The following RANBP2 variants were observed in gnomAD, a reference collection of about 807,000 sequenced individuals.
RANBP2 encodes RAN binding protein 2.
A neutral mutation model predicts 303.6 loss-of-function variants in RANBP2; 57 were observed. That is an observed-to-expected ratio of 0.19 (90% confidence interval 0.15 to 0.23). The LOEUF is 0.23. Among genes scored for constraint, RANBP2 ranks in the 10% least tolerant of loss-of-function variants. RANBP2 has a pLI of 1.00. For missense variants in RANBP2, 3,138 were observed against 3,780.8 expected (o/e 0.83, Z 4.46); for synonymous variants, 1,167 against 1,301.5 (o/e 0.90, Z 2.23).
At chr2:109,564,067 G>A in the RANBP2 span, 1 of 291,820 alleles carries the variant, frequency 3.4e-6, no homozygotes, top group East Asian at 5.8e-5. Context: ...ATCAAATAAT[G>A]AGGGTATTTT....
chr2:108,897,222 G>T, the RANBP2 span: 2 of 1,613,630 alleles, frequency 1.2e-6, no homozygotes, highest in Non-Finnish European at 1.7e-6. Context: ...GCTCCGTGGG[G>T]CTAAGACCTA....
the RANBP2 span, among the ~76,000 whole-genome samples, chr2:109,466,500 T>A: frequency 6.6e-6 from 1 of 152,234 alleles, no homozygotes; most frequent in Non-Finnish European, 1.5e-5. Context: ...CAGTGGTCTT[T>A]TGCAAATATT....
chr2:109,427,408 T>C, the RANBP2 span, among the ~76,000 whole-genome samples: 1 of 152,190 alleles, frequency 6.6e-6, no homozygotes, highest in African/African-American at 2.4e-5. Flanking sequence ...TTTATTGCAA[T>C]ATTTGCTCTA....
At chr2:109,387,898 C>T in the RANBP2 span, among the ~76,000 whole-genome samples, 1 of 152,170 alleles carries the variant, frequency 6.6e-6, no homozygotes, top group African/African-American at 2.4e-5. Flanking sequence ...CACCCGCACA[C>T]GGCCCTTCCT....
chr2:109,391,330 C>CT, the RANBP2 span, among the ~76,000 whole-genome samples: 1 of 152,208 alleles, frequency 6.6e-6, no homozygotes, highest in Non-Finnish European at 1.5e-5. Context: ...GGGACCAGGG[C>CT]TAGAATGCAA....
chr2:109,243,566 G>T, the RANBP2 span, among the ~76,000 whole-genome samples: 1 of 152,166 alleles, frequency 6.6e-6, no homozygotes, highest in Non-Finnish European at 1.5e-5. Context: ...ACCTATAATG[G>T]AGAATGACAG....
At chr2:108,932,538 A>AAAAAAAAAAAAAAAAAC in the RANBP2 span, among the ~76,000 whole-genome samples, 1 of 151,014 alleles carries the variant, frequency 6.6e-6, no homozygotes, top group African/African-American at 2.4e-5. Flanking sequence ...CAAAAAAAAA[A>AAAAAAAAAAAAAAAAAC]AAAAAAAAAA....
chr2:109,733,103 G>C, the RANBP2 span: 1 of 540,840 alleles, frequency 1.8e-6, no homozygotes, highest in Non-Finnish European at 3.7e-6. Flanking sequence ...TAGGAGAAGA[G>C]AGAGATCGCT....
chr2:109,556,080 T>C, the RANBP2 span, among the ~76,000 whole-genome samples: 1 of 152,202 alleles, frequency 6.6e-6, no homozygotes, highest in Non-Finnish European at 1.5e-5. Context: ...TCTTTATAAA[T>C]GTTCATAGAA....
the RANBP2 span, among the ~76,000 whole-genome samples, chr2:108,825,208 G>A: frequency 6.6e-6 from 1 of 152,046 alleles, no homozygotes. Flanking sequence ...AGAGACTTAG[G>A]AGACACAAAA....
chr2:108,783,684 C>T lies in RANBP2; in HGVS notation c.9458C>T (p.Thr3153Ile). 1 of 1,609,440 alleles carries T rather than the reference C, an allele frequency of 6.2e-7. No individual in the cohort carries two copies. The highest frequency in any genetic ancestry group is 8.5e-7 in the Non-Finnish European group (1 of 1,175,802). Reference sequence around the variant, plus strand: ...GATGAAAATTTTGATGTGAAACATACTGGTCCTGGTTTACTATCCATGGCC... The same window carrying T: ...GATGAAAATTTTGATGTGAAACATATTGGTCCTGGTTTACTATCCATGGCC... ...FEDENFDVKH[T>I]GPGLLSMANQ... The change falls in exon 29 of 29, where the codon ACT (threonine) becomes ATT (isoleucine). Residue 3153 changes from threonine to isoleucine, a missense_variant. By Grantham distance (89) the Thr-to-Ile change is moderately conservative. Coordinates refer to ENST00000283195, the MANE Select transcript of RANBP2 (RefSeq NM_006267.5).
chr2:108,969,060 G>T, the RANBP2 span, among the ~76,000 whole-genome samples: 1 of 152,180 alleles, frequency 6.6e-6, no homozygotes, highest in Non-Finnish European at 1.5e-5. Flanking sequence ...GGAGCTGAAT[G>T]AGTCCCTGAT....
chr2:109,459,379 A>G, the RANBP2 span, among the ~76,000 whole-genome samples: 1 of 152,144 alleles, frequency 6.6e-6, no homozygotes, highest in Non-Finnish European at 1.5e-5. Context: ...CCTTCCCTTC[A>G]GAAAGCGCCT....
intron 25 of RANBP2, among the ~76,000 whole-genome samples, chr2:108,778,940 G>C (rs775548687): frequency 1.4e-4 from 22 of 152,084 alleles, no homozygotes; most frequent in Non-Finnish European, 2.4e-4. Context: ...ATGTTACCCA[G>C]GCTGGTCTCA....
the RANBP2 span, among the ~76,000 whole-genome samples, chr2:108,872,775 A>G: frequency 1.7e-3 from 262 of 152,294 alleles, no homozygotes; most frequent in Non-Finnish European, 3.1e-3. Flanking sequence ...AAATTTCAAC[A>G]TGAGTTCTAC....
chr2:109,119,361 A>G, the RANBP2 span, among the ~76,000 whole-genome samples: 1 of 152,202 alleles, frequency 6.6e-6, no homozygotes, highest in Admixed American at 6.5e-5. Context: ...CTTTAGCTCT[A>G]TATCTTTCAT....
At chr2:109,038,057 C>G in the RANBP2 span, among the ~76,000 whole-genome samples, 297 of 152,268 alleles carry the variant, frequency 2.0e-3, no homozygotes, top group African/African-American at 6.6e-3. Flanking sequence ...CTACAGTAAT[C>G]AAGGGAGTGT....
At chr2:108,822,014 G>A in the RANBP2 span, among the ~76,000 whole-genome samples, 2 of 151,946 alleles carry the variant, frequency 1.3e-5, no homozygotes, top group African/African-American at 2.4e-5. Flanking sequence ...AACTAGAGTG[G>A]CTGATTGGAT....
chr2:108,796,566 A>G, the RANBP2 span, among the ~76,000 whole-genome samples: 2 of 152,200 alleles, frequency 1.3e-5, no homozygotes, highest in Non-Finnish European at 2.9e-5. Flanking sequence ...TAACCGAAAT[A>G]TGGAGTCAGT....
Sources: allele counts gnomAD v4.1 joint callset (sites outside exome capture counted in the v4.1 genomes callset), GRCh38; gene constraint gnomAD v4.1.1; transcripts MANE v1.5; gene names NCBI Gene and HGNC (gene_info 2026-07-23, HGNC 2026-07-21).